The following GRM7 variants were observed in gnomAD, a reference collection of about 807,000 sequenced individuals.
The protein encoded by GRM7 is glutamate metabotropic receptor 7.
A neutral mutation model predicts 84.5 loss-of-function variants in GRM7; 35 were observed. The observed-to-expected ratio is 0.41, with a 90% CI of 0.32 to 0.55. GRM7 has a LOEUF of 0.55. Ranked by LOEUF, GRM7 falls within the 20% of genes least tolerant of loss-of-function variation. The pLI is 0.19. For synonymous variants in GRM7, 487 were observed against 455.1 expected, an observed-to-expected ratio of 1.07 and a Z score of -0.89; for missense variants, 1,003 against 1,194.6, an observed-to-expected ratio of 0.84 and a Z score of 2.36.
Position 6,862,898 on chromosome 3 carries a change from G to T in GRM7, c.519+991G>T, listed in dbSNP as rs1288583776. On this transcript the variant is annotated intron_variant, in intron 1 of 9. Transcript: ENST00000357716. The surrounding 1 kb of genome is among the most constrained non-coding windows in gnomAD (Gnocchi z 5.2). The stretch of plus-strand genomic sequence containing the variant: ...TGCCGGAGGGAGACGGAGAAAAAAT[G>T]GGAGGAAGGCGGATCCGGGGCCGCT... 4.8e-6 allele frequency: 2 copies of T among 418,470 alleles called. No homozygotes were observed. The highest frequency in any genetic ancestry group is 4.1e-5 in the African/African-American group (2 of 48,224). 25.9% of individuals were successfully genotyped at this position (418,470 alleles called of 1,614,324 possible). A position where few individuals can be genotyped will look rare whatever the true frequency, so the allele number is the denominator to read the frequency against.
At chr3:7,633,150 AT>A (rs1697931221) in intron 8 of GRM7, among the ~76,000 whole-genome samples, 1 of 152,236 alleles carries the variant, frequency 6.6e-6, no homozygotes, top group Non-Finnish European at 1.5e-5. Flanking sequence ...CCTTCTTATA[AT>A]CATCACAGGA....
chr3:7,660,100 T>C (rs1209286133), intron 8 of GRM7, among the ~76,000 whole-genome samples: 3 of 152,248 alleles, frequency 2.0e-5, no homozygotes, highest in Non-Finnish European at 4.4e-5. Flanking sequence ...TAAAACCTTA[T>C]GGTTTAACTT....
chr3:6,901,722 G>C (rs995784177), intron 1 of GRM7, among the ~76,000 whole-genome samples: 15 of 150,450 alleles, frequency 1.0e-4, no homozygotes, highest in African/African-American at 3.7e-4. Context: ...ATCTTTTTGA[G>C]GCCTTTGGTA....
At chr3:7,099,325 A>G (rs920325193) in intron 1 of GRM7, among the ~76,000 whole-genome samples, 23 of 147,266 alleles carry the variant, frequency 1.6e-4, no homozygotes, top group Non-Finnish European at 3.1e-4. Context: ...ACATGTATAT[A>G]TGTACACATG....
chr3:6,948,035 T>G (rs1050558468), intron 1 of GRM7, among the ~76,000 whole-genome samples: 1 of 152,152 alleles, frequency 6.6e-6, no homozygotes, highest in African/African-American at 2.4e-5. Flanking sequence ...TTTTGAAGGG[T>G]TTATTGTGTC....
chr3:7,638,486 C>G (rs1288921773), intron 8 of GRM7, among the ~76,000 whole-genome samples: 2 of 152,150 alleles, frequency 1.3e-5, no homozygotes, highest in Admixed American at 6.5e-5. Context: ...GTGGGATGCC[C>G]ACTAAGGTCT....
intron 8 of GRM7, among the ~76,000 whole-genome samples, chr3:7,606,264 T>C (rs1696564063): frequency 6.6e-6 from 1 of 152,096 alleles, no homozygotes; most frequent in South Asian, 2.1e-4. Flanking sequence ...CCTCTTTTTT[T>C]TTATAAGACT....
intron 1 of GRM7, among the ~76,000 whole-genome samples, chr3:6,895,545 C>T (rs1406705675): frequency 6.6e-6 from 1 of 152,116 alleles, no homozygotes; most frequent in Non-Finnish European, 1.5e-5. Flanking sequence ...CTCAGAGATA[C>T]TGTCATTTGG....
Position 7,306,539 on chromosome 3 carries a change from A to G in GRM7, c.920A>G (p.His307Arg). ...GCCAAAAGAGCTGACCAAGTTGGCC[A>G]TTTTCTTTGGGTGGGATCAGACAGC... ...AAAKRADQVG[H>R]FLWVGSDSWG... The change falls in exon 4 of 10, where the codon CAT becomes CGT. Residue 307 changes from histidine to arginine, a missense_variant. By Grantham distance (29) the His-to-Arg change is conservative. This residue lies in a region of GRM7 where 910 missense variants were observed against 1,126.0 expected (regional missense o/e 0.81). Transcript: ENST00000357716. 6.2e-7 allele frequency: 1 copy of G among 1,613,898 alleles called. No individual in the cohort carries two copies. Among genetic ancestry groups the G allele is most frequent in the Non-Finnish European group, 8.5e-7 (1 of 1,179,872 alleles).
At chr3:7,539,476 A>G (rs1420894160) in intron 7 of GRM7, among the ~76,000 whole-genome samples, 1 of 114,716 alleles carries the variant, frequency 8.7e-6, no homozygotes, top group Non-Finnish European at 2.1e-5. Flanking sequence ...GGAGTTCAAG[A>G]CTAGCCTGGC....
At chr3:7,243,503 T>G (rs552977192) in intron 2 of GRM7, among the ~76,000 whole-genome samples, 4 of 152,190 alleles carry the variant, frequency 2.6e-5, no homozygotes, top group Admixed American at 2.6e-4. Flanking sequence ...TGAGAGAGTT[T>G]TTATAAAACT....
chr3:6,989,447 A>G (rs932634348), intron 1 of GRM7, among the ~76,000 whole-genome samples: 11 of 152,226 alleles, frequency 7.2e-5, no homozygotes. Context: ...TCTATTTTGT[A>G]TTCTGTATTT....
At chr3:7,117,196 T>G (rs544784191) in intron 1 of GRM7, among the ~76,000 whole-genome samples, 5 of 152,308 alleles carry the variant, frequency 3.3e-5, no homozygotes, top group Non-Finnish European at 5.9e-5. Context: ...CCAGGCCGTT[T>G]AATCTGGTGC....
chr3:7,645,603 C>G (rs903649778), intron 8 of GRM7, among the ~76,000 whole-genome samples: 32 of 150,230 alleles, frequency 2.1e-4, no homozygotes, highest in Non-Finnish European at 3.7e-4. Context: ...CCCTATCTCC[C>G]TAAACCCACC....
At chr3:7,164,406 C>T (rs1200745726) in intron 2 of GRM7, among the ~76,000 whole-genome samples, 1 of 152,104 alleles carries the variant, frequency 6.6e-6, no homozygotes, top group Admixed American at 6.5e-5. Context: ...CAAACTTAGC[C>T]TATGTCTAGC....
At chr3:7,591,323 A>T (rs868537688) in intron 8 of GRM7, 1 of 207,206 alleles carries the variant, frequency 4.8e-6, no homozygotes. Context: ...GTCCAATCTC[A>T]TATATAATTT....
chr3:7,293,708 C>T (rs1265391979), intron 2 of GRM7, among the ~76,000 whole-genome samples: 1 of 152,060 alleles, frequency 6.6e-6, no homozygotes, highest in Admixed American at 6.6e-5. Flanking sequence ...ATTCAAATAC[C>T]AGGTATGTGT....
intron 1 of GRM7, among the ~76,000 whole-genome samples, chr3:7,114,781 C>G (rs951859617): frequency 1.3e-5 from 2 of 152,094 alleles, no homozygotes; most frequent in African/African-American, 4.8e-5. Context: ...GGGTAAAAGT[C>G]AGAAACAGGT....
At chr3:7,275,283 G>A (rs376137323) in intron 2 of GRM7, among the ~76,000 whole-genome samples, 49 of 152,140 alleles carry the variant, frequency 3.2e-4, no homozygotes, top group Middle Eastern at 6.8e-3. Context: ...CCTGAGTCTG[G>A]TTCTGATAGT....
Sources: allele counts gnomAD v4.1 joint callset (sites outside exome capture counted in the v4.1 genomes callset), GRCh38; gene constraint gnomAD v4.1.1; regional missense constraint gnomAD v4.1.1; non-coding constraint Gnocchi (gnomAD v3.1); transcripts MANE v1.5; gene names NCBI Gene and HGNC (gene_info 2026-07-23, HGNC 2026-07-21).